NRCAM: variants seen among roughly 807,000 people sequenced by gnomAD.
NRCAM encodes NgCAM-related cell adhesion molecule.
NRCAM carries 83 observed loss-of-function variants against 156.5 expected under a neutral mutation model. The ratio of observed to expected loss-of-function variants is 0.53; its 90% CI spans 0.44 to 0.64. The LOEUF (loss-of-function observed/expected upper bound fraction) is 0.64, where lower values mean the gene tolerates loss of function less well. NRCAM is among the 30% of genes least tolerant of loss of function. The probability of loss-of-function intolerance (pLI) is 0.00; values close to 1 mark genes in which losing one functional copy is unlikely to be tolerated. For missense variants in NRCAM, 1,417 were observed against 1,597.3 expected (o/e 0.89, Z 1.92); for synonymous variants, 538 against 563.9 (o/e 0.95, Z 0.65).
At position 108,166,970 on chromosome 7, in the gene NRCAM, C is replaced by A. The variant is rs1365530390; in HGVS notation, c.3417G>T (p.Val1139=). 1.9e-6 allele frequency: 3 copies of A among 1,613,814 alleles called. No individual in the cohort carries two copies. Residue 1139 remains valine (V), a synonymous_variant, in exon 30 of 33, where the codon GTG becomes GTT. Transcript: ENST00000379028. ...GTAYKVRVGA[V]GDSGFVSSED... is the part of the protein sequence containing the mutation. ...CTGAACTCACAAAACCAGAGTCCCC[C>A]ACAGCACCAACTCGAACTTTGTATG...
At chr7:108,419,645 GCACTTCTTTT>G (rs1164257055) in intron 1 of NRCAM, among the ~76,000 whole-genome samples, 3 of 152,264 alleles carry the variant, frequency 2.0e-5, no homozygotes, top group African/African-American at 7.2e-5. Context: ...CATTTCAAAG[GCACTTCTTTT>G]CTCTCAGAAA....
rs113925936 is a variant in NRCAM, at chr7:108,405,716, A to T, written c.-331-6123T>A. ...ACGTTTTAGTTAAAGTTAGAAAAGC[A>T]GTATCTTTAGATATGTTTGATATGT... On this transcript the variant is annotated intron_variant, in intron 1 of 32. Transcript: ENST00000379028. 7.6e-3 allele frequency among the ~76,000 whole-genome samples: 1,156 copies of T among 152,334 alleles called. 12 individuals carry two copies. The highest frequency in any genetic ancestry group is 0.026 in the African/African-American group (1,082 of 41,582).
At chr7:108,299,127 AAAGAAAG>A (rs2098531259) in intron 3 of NRCAM, among the ~76,000 whole-genome samples, 1 of 108,162 alleles carries the variant, frequency 9.2e-6, no homozygotes, top group African/African-American at 3.5e-5. Context: ...AGAAAGAAAG[AAAGAAAG>A]AAAGAAAAGA....
intron 2 of NRCAM, among the ~76,000 whole-genome samples, chr7:108,392,321 T>C (rs1188304166): frequency 2.0e-5 from 3 of 152,248 alleles, no homozygotes; most frequent in East Asian, 1.9e-4. Context: ...TTTCATTCAT[T>C]TGATCTTCAA....
At chr7:108,394,469 C>A (rs989977109) in intron 2 of NRCAM, among the ~76,000 whole-genome samples, 1 of 152,152 alleles carries the variant, frequency 6.6e-6, no homozygotes, top group African/African-American at 2.4e-5. Flanking sequence ...ATGTGTAGGG[C>A]AAGAGGAGTA....
At chr7:108,158,309 T>C (rs1027143099) in intron 32 of NRCAM, among the ~76,000 whole-genome samples, 2 of 152,118 alleles carry the variant, frequency 1.3e-5, no homozygotes, top group African/African-American at 4.8e-5. Context: ...GAGATCACAA[T>C]ATAAAAACTT....
Position 108,149,930 on chromosome 7 carries a change from C to T in NRCAM, c.3895G>A (p.Ala1299Thr), listed in dbSNP as rs2040267595. 5.6e-6 allele frequency: 9 copies of T among 1,609,598 alleles called. No individual in the cohort carries two copies. Among genetic ancestry groups the T allele is most frequent in the Non-Finnish European group, 6.8e-6 (8 of 1,178,712 alleles). ...ESSEAPSPVN[A>T]MNSFV is the part of the protein sequence containing the mutation. ...AAAAATTAAACAAAGGAATTCATGG[C>T]GTTGACAGGAGAAGGTGCCTCTGAG... Residue 1299 changes from alanine to threonine, a missense_variant, in exon 33 of 33, where the codon GCC becomes ACC. Transcript: ENST00000379028.
At chr7:108,171,713 G>A (rs1013208437) in intron 28 of NRCAM, among the ~76,000 whole-genome samples, 19 of 152,046 alleles carry the variant, frequency 1.2e-4, no homozygotes, top group Admixed American at 6.6e-4. Context: ...CTTTCTATAC[G>A]TTGGTCTTAC....
chr7:108,307,861 A>G (rs1459040119), intron 3 of NRCAM, among the ~76,000 whole-genome samples: 1 of 152,124 alleles, frequency 6.6e-6, no homozygotes, highest in Non-Finnish European at 1.5e-5. Flanking sequence ...GCAGCCAGGG[A>G]TGAAATGGCC....
intron 1 of NRCAM, among the ~76,000 whole-genome samples, chr7:108,449,959 T>A (rs1352767206): frequency 1.3e-5 from 2 of 151,800 alleles, no homozygotes. Flanking sequence ...ATGCACATAA[T>A]AAAATTTAAA....
chr7:108,451,219 C>CAA (rs143670293), intron 1 of NRCAM, among the ~76,000 whole-genome samples: 4 of 106,978 alleles, frequency 3.7e-5, no homozygotes, highest in African/African-American at 7.1e-5. Flanking sequence ...ACTCCGTCTC[C>CAA]AAAAAAAAAA....
intron 2 of NRCAM, among the ~76,000 whole-genome samples, chr7:108,348,978 G>GA (rs1290639355): frequency 6.6e-6 from 1 of 151,898 alleles, no homozygotes; most frequent in East Asian, 1.9e-4. Flanking sequence ...GGATGGGGGG[G>GA]AATGTATTGG....
chr7:108,346,564 A>C (rs2099355831), intron 2 of NRCAM, among the ~76,000 whole-genome samples: 1 of 152,234 alleles, frequency 6.6e-6, no homozygotes, highest in Non-Finnish European at 1.5e-5. Flanking sequence ...AGACTTAAAC[A>C]TTCTTTTATC....
intron 28 of NRCAM, among the ~76,000 whole-genome samples, chr7:108,170,694 C>T (rs958134432): frequency 2.6e-5 from 4 of 152,176 alleles, no homozygotes; most frequent in Non-Finnish European, 4.4e-5. Flanking sequence ...GTCTCCTGAG[C>T]TATGGGTATG....
chr7:108,172,831 G>A (rs900663432), intron 28 of NRCAM, among the ~76,000 whole-genome samples: 18 of 152,166 alleles, frequency 1.2e-4, no homozygotes, highest in African/African-American at 3.6e-4. Flanking sequence ...TTATACATTT[G>A]AAAACTTAGG....
chr7:108,399,667 C>T (rs2099786171), intron 1 of NRCAM, 74 bp from the exon 2 acceptor site: 1 of 152,138 alleles, frequency 6.6e-6, no homozygotes. Context: ...AGATTTCATC[C>T]TACTATCGTA....
intron 11 of NRCAM, among the ~76,000 whole-genome samples, chr7:108,213,338 C>T (rs1445785125): frequency 6.6e-6 from 1 of 151,946 alleles, no homozygotes; most frequent in Non-Finnish European, 1.5e-5. Flanking sequence ...AAATATAATT[C>T]AAAAAGCAAA....
At chr7:108,277,932 T>C (rs1203150098) in intron 3 of NRCAM, among the ~76,000 whole-genome samples, 4 of 152,230 alleles carry the variant, frequency 2.6e-5, no homozygotes, top group African/African-American at 7.2e-5. Flanking sequence ...GATGTAGATG[T>C]CCTTTTCATT....
intron 3 of NRCAM, among the ~76,000 whole-genome samples, chr7:108,280,479 G>C (rs746725155): frequency 6.6e-6 from 1 of 152,306 alleles, no homozygotes; most frequent in African/African-American, 2.4e-5. Flanking sequence ...AAGAATGACT[G>C]AACTCACAGA....
Sources: allele counts gnomAD v4.1 joint callset (sites outside exome capture counted in the v4.1 genomes callset), GRCh38; gene constraint gnomAD v4.1.1; transcripts MANE v1.5; gene names NCBI Gene and HGNC (gene_info 2026-07-23, HGNC 2026-07-21).